Variants in LURAP1 observed in about 807,000 individuals in gnomAD.
LURAP1 encodes the protein NF-kappa-B activator C1orf190.
LURAP1 carries 14 observed loss-of-function variants against 19.0 expected under a neutral mutation model. The observed-to-expected ratio is 0.74, with a 90% CI of 0.49 to 1.15. The LOEUF is 1.15. LURAP1 is among the 50% of genes most tolerant of loss of function. The pLI, the probability that LURAP1 is intolerant of heterozygous loss-of-function variation, is 0.00. For missense variants in LURAP1, 273 were observed against 309.1 expected, an observed-to-expected ratio of 0.88 and a Z score of 0.87; for synonymous variants, 129 against 131.8, an observed-to-expected ratio of 0.98 and a Z score of 0.14.
intron 1 of LURAP1, among the ~76,000 whole-genome samples, chr1:46,212,309 C>G (rs900446826): frequency 6.8e-6 from 1 of 147,136 alleles, no homozygotes; most frequent in African/African-American, 2.5e-5. Flanking sequence ...GAGACGGAGT[C>G]TTGCTATGTC....
Position 46,220,026 on chromosome 1 carries a change from G to C in LURAP1, c.526G>C (p.Ala176Pro), listed in dbSNP as rs1181277284. ...RSEMDWAKVIAGGERARTEVD... is the reference protein window; with the variant it reads ...RSEMDWAKVIPGGERARTEVD... ...CGAGATGGACTGGGCAAAAGTTATA[G>C]CTGGTGGAGAGAGGGCCAGGACTGA... The change falls in exon 2 of 2, where the codon GCT (alanine) becomes CCT (proline). Residue 176 changes from alanine (A) to proline (P), a missense_variant. Transcript: ENST00000371980. 2.5e-6 allele frequency: 4 copies of C among 1,614,238 alleles called. No homozygotes were observed. In the African/African-American group the frequency reaches 5.3e-5, roughly 22 times the overall value.
rs746239517 is a variant in LURAP1, at chr1:46,203,589, T to G, written c.163T>G (p.Leu55Val). ...AGGGGCGTCTAGCACCGGCCACGAC[T>G]TGGGGGACAAGATCATGGCGCTGAA... is the stretch of plus-strand genomic sequence containing the variant. ...LPGASSTGHD[L>V]GDKIMALKME... Residue 55 changes from leucine (L) to valine (V), a missense_variant, in exon 1 of 2, where the codon TTG becomes GTG. By Grantham distance (32) the Leu-to-Val change is conservative. Transcript: ENST00000371980. 1.3e-5 allele frequency: 21 copies of G among 1,588,810 alleles called. No individual in the cohort carries two copies. The South Asian group carries it at 1.9e-4, about 15-fold the overall frequency.
intron 1 of LURAP1, among the ~76,000 whole-genome samples, chr1:46,216,199 AC>A (rs1298756643): frequency 1.3e-5 from 2 of 151,286 alleles, no homozygotes; most frequent in Non-Finnish European, 1.5e-5. Flanking sequence ...GGCGCCCGCC[AC>A]CTCGCCCAGC....
chr1:46,209,658 A>G (rs1020090195), intron 1 of LURAP1, among the ~76,000 whole-genome samples: 1 of 148,402 alleles, frequency 6.7e-6, no homozygotes, highest in African/African-American at 2.5e-5. Flanking sequence ...GATTACATGC[A>G]CCCGCCACCA....
chr1:46,216,389 C>G (rs935956821), intron 1 of LURAP1, among the ~76,000 whole-genome samples: 2 of 151,782 alleles, frequency 1.3e-5, no homozygotes, highest in African/African-American at 4.8e-5. Flanking sequence ...GTCACCCAGG[C>G]TGGGTGCAGT....
At position 46,219,991 on chromosome 1, in the gene LURAP1, C is replaced by T. The variant is rs764431104; in HGVS notation, c.491C>T (p.Ala164Val). 1 of 1,614,136 alleles carries T rather than the reference C, an allele frequency of 6.2e-7. No homozygotes were observed. Reference protein sequence around the residue: ...SELDEQGPPGAPRSEMDWAKV... With the variant: ...SELDEQGPPGVPRSEMDWAKV... The stretch of plus-strand genomic sequence containing the variant: ...CTGGATGAACAGGGCCCACCTGGGG[C>T]TCCACGTTCCGAGATGGACTGGGCA... The change falls in exon 2 of 2, where the codon GCT (alanine) becomes GTT (valine). Residue 164 changes from alanine to valine, a missense_variant. Coordinates refer to ENST00000371980, the MANE Select transcript of LURAP1 (RefSeq NM_001013615.3).
chr1:46,213,188 G>A (rs916085515), intron 1 of LURAP1, among the ~76,000 whole-genome samples: 5 of 151,086 alleles, frequency 3.3e-5, no homozygotes, highest in South Asian at 2.1e-4. Flanking sequence ...GTCATCATAC[G>A]ACCAAAACAT....
In LURAP1 at chr1:46,219,851, G is replaced by A; in HGVS notation, c.351G>A (p.Gly117=). 1.2e-6 allele frequency: 2 copies of A among 1,614,102 alleles called. No homozygotes were observed. Among genetic ancestry groups the A allele is most frequent in the Non-Finnish European group, 1.7e-6 (2 of 1,179,988 alleles). Reference sequence around the variant, plus strand: ...GCAGTCAATATAGCCTGACAGGCGGGAGCCCAGGCCGCTCAAGGCGAGGCA... The same window carrying A: ...GCAGTCAATATAGCCTGACAGGCGGAAGCCCAGGCCGCTCAAGGCGAGGCA... The part of the protein sequence containing the change: ...LTSSQYSLTG[G]SPGRSRRGSW... Residue 117 remains glycine, a synonymous_variant, in exon 2 of 2, where the codon GGG becomes GGA. Coordinates refer to ENST00000371980, the MANE Select transcript of LURAP1 (RefSeq NM_001013615.3).
intron 1 of LURAP1, among the ~76,000 whole-genome samples, chr1:46,215,225 C>CAA (rs35554687): frequency 4.0e-5 from 3 of 75,566 alleles, no homozygotes; most frequent in Non-Finnish European, 8.2e-5. Context: ...AACTCTGTCT[C>CAA]AAAAAAAAAA....
intron 1 of LURAP1, among the ~76,000 whole-genome samples, chr1:46,212,595 G>C (rs1235445332): frequency 6.7e-6 from 1 of 149,286 alleles, no homozygotes; most frequent in Admixed American, 6.7e-5. Context: ...TTTTTTTTTT[G>C]AATCAGAGTC....
At chr1:46,204,836 A>G (rs1427937273) in intron 1 of LURAP1, among the ~76,000 whole-genome samples, 4 of 152,248 alleles carry the variant, frequency 2.6e-5, no homozygotes, top group South Asian at 2.1e-4. Flanking sequence ...GTAAGAGCCT[A>G]TCTAGACTGT....
chr1:46,220,301 C>G lies in LURAP1; in HGVS notation c.*81C>G. The G allele has an allele frequency of 7.0e-7, 1 of 1,419,996 alleles. No individual in the cohort carries two copies. Among genetic ancestry groups the G allele is most frequent in the Non-Finnish European group, 9.5e-7 (1 of 1,054,712 alleles). 88.0% of individuals were successfully genotyped at this position (1,419,996 alleles called of 1,614,324 possible). A position where few individuals can be genotyped will look rare whatever the true frequency, so the allele number is the denominator to read the frequency against. The stretch of plus-strand genomic sequence containing the variant: ...CCCCCAAAATTGATTCTCCCTCAGT[C>G]TGAGACTAGGAAGAGGCTGCACTGA... On this transcript the variant is annotated 3_prime_UTR_variant, in exon 2 of 2. Transcript: ENST00000371980.
At position 46,220,322 on chromosome 1, in the gene LURAP1, A is replaced by G. The variant is rs1028794384; in HGVS notation, c.*102A>G. On this transcript the variant is annotated 3_prime_UTR_variant, in exon 2 of 2. Transcript: ENST00000371980. ...CAGTCTGAGACTAGGAAGAGGCTGC[A>G]CTGAAATCAGTTACCATGGAAACCT... 2 of 1,275,058 alleles carry G rather than the reference A, an allele frequency of 1.6e-6. No homozygotes were observed. Among genetic ancestry groups the G allele is most frequent in the Non-Finnish European group, 2.2e-6 (2 of 929,922 alleles). The allele number at this position is 1,275,058 out of a possible 1,614,324, so 79.0% of individuals were successfully genotyped here. A position where few individuals can be genotyped will look rare whatever the true frequency, so the allele number is the denominator to read the frequency against.
At chr1:46,208,592 C>T (rs752860013) in intron 1 of LURAP1, among the ~76,000 whole-genome samples, 41 of 152,142 alleles carry the variant, frequency 2.7e-4, no homozygotes, top group Admixed American at 1.8e-3. Flanking sequence ...CCTGTAATCC[C>T]AGCATTTTGG....
chr1:46,218,497 G>A (rs148650641), intron 1 of LURAP1, among the ~76,000 whole-genome samples: 19 of 152,356 alleles, frequency 1.2e-4, no homozygotes, highest in African/African-American at 3.8e-4. Context: ...AGAGATGGGC[G>A]AGAGCCACAT....
chr1:46,214,165 A>T (rs1658988077), intron 1 of LURAP1, among the ~76,000 whole-genome samples: 1 of 152,018 alleles, frequency 6.6e-6, no homozygotes, highest in Admixed American at 6.6e-5. Context: ...GGCCAACATG[A>T]TGAAACCCCA....
chr1:46,207,544 C>CA (rs1184159483), intron 1 of LURAP1, among the ~76,000 whole-genome samples: 1 of 146,478 alleles, frequency 6.8e-6, no homozygotes. Flanking sequence ...TTCTTTCTTT[C>CA]TTTTTTTTTT....
intron 1 of LURAP1, among the ~76,000 whole-genome samples, chr1:46,219,491 G>T (rs1409831856): frequency 6.6e-6 from 1 of 152,176 alleles, no homozygotes; most frequent in African/African-American, 2.4e-5. Context: ...AAGAGACTGA[G>T]GCTCAAAGAA....
intron 1 of LURAP1, among the ~76,000 whole-genome samples, chr1:46,206,445 CAG>C (rs935441043): frequency 1.1e-4 from 17 of 152,220 alleles, no homozygotes; most frequent in African/African-American, 3.6e-4. Flanking sequence ...CAGCGCTGGG[CAG>C]AGAGTCTGGT....
Sources: gnomAD v4.1 joint callset for allele counts (sites outside exome capture counted in the v4.1 genomes callset) on GRCh38, gnomAD v4.1.1 for gene constraint, MANE v1.5 for transcripts, NCBI Gene and HGNC (gene_info 2026-07-23, HGNC 2026-07-21) for gene names.